The following OR2L13 variants were observed in gnomAD, a reference collection of about 807,000 sequenced individuals.
OR2L13 encodes olfactory receptor 2L13.
In OR2L13, 14 loss-of-function variants were observed where a neutral mutation model predicts 15.3. That is an observed-to-expected ratio of 0.91 (90% CI 0.60 to 1.43). OR2L13 has a LOEUF of 1.43. Among genes scored for constraint, OR2L13 ranks in the 40% most tolerant of loss-of-function variants. OR2L13 has a pLI of 0.00. For missense variants in OR2L13, 367 were observed against 387.9 expected (o/e 0.95, Z 0.45); for synonymous variants, 152 against 142.9 (o/e 1.06, Z -0.45).
At chr1:247,975,645 C>A in the OR2L13 span, 30 of 1,180,976 alleles carry the variant, frequency 2.5e-5, no homozygotes, top group African/African-American at 4.6e-4. Context: ...AGAGAATCTT[C>A]CCTGTGAAGA....
chr1:248,038,671 T>C, the OR2L13 span: 1 of 1,614,178 alleles, frequency 6.2e-7, no homozygotes, highest in Non-Finnish European at 8.5e-7. Context: ...CCCATCCGTA[T>C]AAGCAAAAGA....
the OR2L13 span, among the ~76,000 whole-genome samples, chr1:248,020,072 C>T: frequency 3.9e-5 from 6 of 152,138 alleles, no homozygotes; most frequent in Admixed American, 2.0e-4. Context: ...TGTGAACAAA[C>T]GCACCTGACC....
chr1:248,047,723 A>G, the OR2L13 span, among the ~76,000 whole-genome samples: 1 of 152,198 alleles, frequency 6.6e-6, no homozygotes, highest in Admixed American at 6.5e-5. Flanking sequence ...TGAGCATAGT[A>G]TGTGGAAACA....
the OR2L13 span, among the ~76,000 whole-genome samples, chr1:247,993,803 G>GAA: frequency 1.5e-5 from 2 of 132,418 alleles, no homozygotes; most frequent in Non-Finnish European, 3.0e-5. Context: ...GAGAGAGAGA[G>GAA]AGAGAGAGAA....
chr1:248,005,580 G>A, the OR2L13 span, among the ~76,000 whole-genome samples: 2 of 152,118 alleles, frequency 1.3e-5, no homozygotes, highest in African/African-American at 4.8e-5. Context: ...CTATTTATGT[G>A]CAGAATGTCA....
the OR2L13 span, among the ~76,000 whole-genome samples, chr1:248,053,505 T>C: frequency 6.6e-6 from 1 of 152,216 alleles, no homozygotes; most frequent in East Asian, 1.9e-4. Context: ...GTATTTCCAG[T>C]TCTAAGTCTT....
chr1:248,038,069 C>T, the OR2L13 span: 2 of 459,278 alleles, frequency 4.4e-6, no homozygotes, highest in East Asian at 6.9e-5. Context: ...TTTTGTTAAT[C>T]TCTTCCTTGC....
chr1:247,966,274 G>T, the OR2L13 span: 3 of 1,613,672 alleles, frequency 1.9e-6, no homozygotes, highest in Admixed American at 1.7e-5. Flanking sequence ...AGTGACGGGG[G>T]CAGTGAGGAG....
the OR2L13 span, among the ~76,000 whole-genome samples, chr1:247,953,796 A>G: frequency 6.6e-6 from 1 of 152,122 alleles, no homozygotes; most frequent in Admixed American, 6.5e-5. Context: ...CCTTATCACT[A>G]CAGCCTGGGA....
chr1:248,058,666 T>C, the OR2L13 span, among the ~76,000 whole-genome samples: 1 of 149,982 alleles, frequency 6.7e-6, no homozygotes, highest in Non-Finnish European at 1.5e-5. Context: ...TTCAGGAAAG[T>C]ATTTCTCACT....
chr1:248,076,556 C>A, the OR2L13 span, among the ~76,000 whole-genome samples: 4 of 152,102 alleles, frequency 2.6e-5, no homozygotes, highest in African/African-American at 9.7e-5. Flanking sequence ...TGAAAAGGTC[C>A]TTCATATCCC....
At chr1:248,084,707 T>G in the OR2L13 span, 1 of 1,456,516 alleles carries the variant, frequency 6.9e-7, no homozygotes, top group Admixed American at 2.3e-5. Context: ...TTCACAAATG[T>G]CATGGTTTGA....
chr1:248,078,218 C>A, the OR2L13 span, among the ~76,000 whole-genome samples: 12 of 152,162 alleles, frequency 7.9e-5, no homozygotes, highest in Admixed American at 2.6e-4. Context: ...CGCGGTGCCT[C>A]ACACCTGTAA....
At chr1:248,047,726 T>C in the OR2L13 span, among the ~76,000 whole-genome samples, 1 of 152,148 alleles carries the variant, frequency 6.6e-6, no homozygotes, top group African/African-American at 2.4e-5. Context: ...GCATAGTATG[T>C]GGAAACAATG....
chr1:248,028,219 C>T, the OR2L13 span, among the ~76,000 whole-genome samples: 1 of 150,286 alleles, frequency 6.7e-6, no homozygotes, highest in South Asian at 2.1e-4. Context: ...CTGTCTCTTC[C>T]TCCTTCAGCT....
At chr1:248,069,731 T>G in the OR2L13 span, among the ~76,000 whole-genome samples, 1 of 151,978 alleles carries the variant, frequency 6.6e-6, no homozygotes, top group Non-Finnish European at 1.5e-5. Flanking sequence ...AGGAAACCTA[T>G]CTCATGTGCA....
At chr1:248,005,866 A>G in the OR2L13 span, among the ~76,000 whole-genome samples, 1 of 152,196 alleles carries the variant, frequency 6.6e-6, no homozygotes, top group Non-Finnish European at 1.5e-5. Flanking sequence ...GTTAAAACAT[A>G]CATTTTGAAC....
the OR2L13 span, among the ~76,000 whole-genome samples, chr1:247,970,755 G>A: frequency 2.0e-5 from 3 of 152,136 alleles, no homozygotes; most frequent in East Asian, 1.9e-4. Context: ...AGTTACTCAC[G>A]TAACTTTATT....
At chr1:247,958,771 CT>C in the OR2L13 span, among the ~76,000 whole-genome samples, 1 of 151,380 alleles carries the variant, frequency 6.6e-6, no homozygotes, top group South Asian at 2.1e-4. Flanking sequence ...CAACCCCTGC[CT>C]TTTTTTGTTT....
Sources: allele counts gnomAD v4.1 joint callset (sites outside exome capture counted in the v4.1 genomes callset), GRCh38; gene constraint gnomAD v4.1.1; transcripts MANE v1.5; gene names NCBI Gene and HGNC (gene_info 2026-07-23, HGNC 2026-07-21).